NCAM1: variants seen among roughly 807,000 people sequenced by gnomAD.
The protein encoded by NCAM1 is antigen recognized by monoclonal antibody 5.1H11.
In NCAM1, 14 loss-of-function variants were observed where a neutral mutation model predicts 109.8. The observed-to-expected ratio is 0.13, with a 90% CI of 0.08 to 0.20. The LOEUF (loss-of-function observed/expected upper bound fraction) is 0.20. Among genes scored for constraint, NCAM1 ranks in the 10% least tolerant of loss-of-function variants. The pLI, the probability that NCAM1 is intolerant of heterozygous loss-of-function variation, is 1.00. For missense variants in NCAM1, 774 were observed against 1,109.9 expected, an observed-to-expected ratio of 0.70 and a Z score of 4.30; for synonymous variants, 418 against 442.9, an observed-to-expected ratio of 0.94 and a Z score of 0.70.
intron 16 of NCAM1, among the ~76,000 whole-genome samples, chr11:113,259,113 G>A (rs1460060700): frequency 2.0e-5 from 3 of 149,404 alleles, no homozygotes; most frequent in Non-Finnish European, 3.0e-5. Context: ...GTGCAGTGGC[G>A]GGATCTCGGC....
chr11:113,109,779 T>C (rs1940359983), intron 1 of NCAM1, among the ~76,000 whole-genome samples: 1 of 152,166 alleles, frequency 6.6e-6, no homozygotes, highest in Non-Finnish European at 1.5e-5. Context: ...GGTGTGATCT[T>C]GAATGTGGAT....
At chr11:113,043,828 C>T (rs1165499963) in intron 1 of NCAM1, among the ~76,000 whole-genome samples, 4 of 152,194 alleles carry the variant, frequency 2.6e-5, no homozygotes, top group African/African-American at 9.7e-5. Flanking sequence ...TGCAGGGCCC[C>T]CGCCTGACAC....
rs1946362371 is a variant in NCAM1 at position 113,274,417 on chromosome 11, T to C, written c.2457-850T>C. Among the ~76,000 whole-genome samples, 1 of 152,200 alleles carries C rather than the reference T, an allele frequency of 6.6e-6. No homozygotes were observed. Among genetic ancestry groups the C allele is most frequent in the Non-Finnish European group, 1.5e-5 (1 of 68,034 alleles). Reference sequence around the variant, plus strand: ...AAAATTCAGTGGCACCAGCTGAGGCTGGGGTCTGTGCCTGTCCCCATGCAT... The same window carrying C: ...AAAATTCAGTGGCACCAGCTGAGGCCGGGGTCTGTGCCTGTCCCCATGCAT... On this transcript the variant is annotated intron_variant, in intron 19 of 19. Coordinates refer to ENST00000316851, the MANE Select transcript of NCAM1 (RefSeq NM_181351.5). This position sits in a 1 kb window ranked among gnomAD's most constrained non-coding sequence, Gnocchi z 4.1.
chr11:112,965,491 C>G (rs12276291), intron 1 of NCAM1, among the ~76,000 whole-genome samples: 1 of 152,190 alleles, frequency 6.6e-6, no homozygotes, highest in African/African-American at 2.4e-5. Context: ...GGAACAATGT[C>G]TTAATTGCCT....
chr11:113,165,836 G>A (rs1287090884), intron 1 of NCAM1, among the ~76,000 whole-genome samples: 2 of 145,350 alleles, frequency 1.4e-5, no homozygotes, highest in Admixed American at 6.9e-5. Flanking sequence ...TTTTTGAAAT[G>A]GAGTCTCGCT....
intron 19 of NCAM1, chr11:113,272,875 TTC>T (rs1946312613): frequency 4.4e-6 from 2 of 455,922 alleles, no homozygotes; most frequent in Admixed American, 4.7e-5. Context: ...TCCTCCTCGC[TTC>T]TCTGTCACGT....
At chr11:113,027,877 G>T (rs560486059) in intron 1 of NCAM1, among the ~76,000 whole-genome samples, 2 of 152,014 alleles carry the variant, frequency 1.3e-5, no homozygotes, top group Non-Finnish European at 2.9e-5. Context: ...AATTGACTAC[G>T]TGTCAGCGTT....
rs545756102 is a variant in NCAM1, at chr11:113,226,028, C to T, written c.1089+4703C>T. 2.1e-4 allele frequency among the ~76,000 whole-genome samples: 32 copies of T among 152,272 alleles called. No individual in the cohort carries two copies. In the South Asian group the frequency reaches 3.5e-3, roughly 17 times the overall value. On this transcript the variant is annotated intron_variant, in intron 9 of 19. Coordinates refer to ENST00000316851, the MANE Select transcript of NCAM1 (RefSeq NM_181351.5). ...GTTAGGAAGAAACTGCATCAACTAACGAGCAAAATAACCAGCTAACATCTC... is the reference window on the plus strand; with the variant it reads ...GTTAGGAAGAAACTGCATCAACTAATGAGCAAAATAACCAGCTAACATCTC...
chr11:113,058,796 G>T (rs782027827), intron 1 of NCAM1, among the ~76,000 whole-genome samples: 4 of 152,170 alleles, frequency 2.6e-5, no homozygotes. Flanking sequence ...CTCAGCCTGG[G>T]CATGCACCAT....
At position 113,233,326 on chromosome 11, in the gene NCAM1, G is replaced by T; in HGVS notation, c.1693+9G>T. The T allele has an allele frequency of 6.2e-7, 1 of 1,610,260 alleles. No homozygotes were observed. The highest frequency in any genetic ancestry group is 8.5e-7 in the Non-Finnish European group (1 of 1,178,162). On this transcript the variant is annotated intron_variant, in intron 13 of 19. Coordinates refer to ENST00000316851, the MANE Select transcript of NCAM1 (RefSeq NM_181351.5). This position sits in a 1 kb window ranked among gnomAD's most constrained non-coding sequence, Gnocchi z 4.5. ...GTATGATGCCAAGGAAGGTGAGTTG[G>T]GCGAGTTGGTGTTTCCATTGGGATC... is the stretch of plus-strand genomic sequence containing the variant.
rs1951422412 is a variant in NCAM1, at chr11:112,990,302, A to C, written c.52+28638A>C. 2.0e-5 allele frequency among the ~76,000 whole-genome samples: 3 copies of C among 152,058 alleles called. No homozygotes were observed. The South Asian group carries it at 6.2e-4, about 32-fold the overall frequency. On this transcript the variant is annotated intron_variant, in intron 1 of 19. Transcript: ENST00000316851. Reference sequence around the variant, plus strand: ...TGGGCAAACATTACTGCCCTGGTCTATGGTTGAAGAAGGCTGAAACTGAGT... The same window carrying C: ...TGGGCAAACATTACTGCCCTGGTCTCTGGTTGAAGAAGGCTGAAACTGAGT...
chr11:113,196,976 A>G (rs2136808937), intron 1 of NCAM1, among the ~76,000 whole-genome samples: 1 of 152,316 alleles, frequency 6.6e-6, no homozygotes, highest in South Asian at 2.1e-4. Context: ...AAGCCTTGGG[A>G]AACTTACAAT....
intron 8 of NCAM1, 144 bp from the exon 9 acceptor site, chr11:113,221,152 C>A: frequency 2.7e-6 from 2 of 729,098 alleles, no homozygotes; most frequent in Non-Finnish European, 4.6e-6. Context: ...GTAATAAACA[C>A]ACCATTGAAA....
chr11:113,092,062 C>G (rs1425606039), intron 1 of NCAM1, among the ~76,000 whole-genome samples: 9 of 152,012 alleles, frequency 5.9e-5, no homozygotes, highest in African/African-American at 2.2e-4. Flanking sequence ...GGACAGCCTT[C>G]CTCTCGGTGG....
chr11:112,961,439 C>T lies in NCAM1; in HGVS notation c.-174C>T. 1 of 766,076 alleles carries T rather than the reference C, an allele frequency of 1.3e-6. No homozygotes were observed. Among genetic ancestry groups the T allele is most frequent in the South Asian group, 1.4e-5 (1 of 71,890 alleles). The allele number at this position is 766,076 out of a possible 1,614,324, so 47.5% of individuals were successfully genotyped here. On this transcript the variant is annotated 5_prime_UTR_variant, in exon 1 of 20. Transcript: ENST00000316851. ...ACTGTCACTCATTCTCCGATCAGCGCGTGAACGCAGCTCGGCTGCCGCTGG... is the reference window on the plus strand; with the variant it reads ...ACTGTCACTCATTCTCCGATCAGCGTGTGAACGCAGCTCGGCTGCCGCTGG...
intron 1 of NCAM1, among the ~76,000 whole-genome samples, chr11:113,149,370 T>A (rs1942140635): frequency 6.6e-6 from 1 of 152,154 alleles, no homozygotes; most frequent in Non-Finnish European, 1.5e-5. Context: ...AGGAAGAGAT[T>A]GGATTCAAAA....
intron 1 of NCAM1, among the ~76,000 whole-genome samples, chr11:113,052,875 G>A (rs566335982): frequency 2.9e-4 from 44 of 152,020 alleles, no homozygotes; most frequent in Admixed American, 4.6e-4. Flanking sequence ...GACAGGGCCC[G>A]GTGTGTATTG....
intron 1 of NCAM1, among the ~76,000 whole-genome samples, chr11:112,981,972 G>T (rs1555068836): frequency 6.6e-6 from 1 of 151,854 alleles, no homozygotes; most frequent in Non-Finnish European, 1.5e-5. Flanking sequence ...GTTTTGATGT[G>T]CCTGTTCAGA....
intron 15 of NCAM1, among the ~76,000 whole-genome samples, chr11:113,249,460 GC>G (rs1264250090): frequency 6.6e-6 from 1 of 150,420 alleles, no homozygotes; most frequent in African/African-American, 2.5e-5. Context: ...GTGGGCTGCT[GC>G]TGGCCTTGGA....
Sources: gnomAD v4.1 joint callset for allele counts (sites outside exome capture counted in the v4.1 genomes callset) on GRCh38, gnomAD v4.1.1 for gene constraint, Gnocchi (gnomAD v3.1) non-coding constraint, MANE v1.5 for transcripts, NCBI Gene and HGNC (gene_info 2026-07-23, HGNC 2026-07-21) for gene names.